CEP83: variants seen among roughly 807,000 people sequenced by gnomAD.
CEP83 encodes centrosomal protein 83, also known as centrosomal protein of 83 kDa.
A neutral mutation model predicts 101.9 loss-of-function variants in CEP83; 70 were observed. That is an observed-to-expected ratio of 0.69 (90% CI 0.57 to 0.84). The LOEUF (loss-of-function observed/expected upper bound fraction) is 0.84. Ranked by LOEUF, CEP83 falls within the 40% of genes least tolerant of loss-of-function variation. The pLI, the probability that CEP83 is intolerant of heterozygous loss-of-function variation, is 0.00. For synonymous variants in CEP83, 264 were observed against 267.9 expected (o/e 0.99, Z 0.14); for missense variants, 715 against 787.2 (o/e 0.91, Z 1.10).
intron 6 of CEP83, among the ~76,000 whole-genome samples, chr12:94,395,650 C>T (rs573316596): frequency 3.9e-5 from 6 of 152,138 alleles, no homozygotes; most frequent in Non-Finnish European, 7.4e-5. Context: ...AGTGAAACCC[C>T]GTCTCTACTA....
At chr12:94,396,280 CTT>C (rs776434390) in intron 6 of CEP83, among the ~76,000 whole-genome samples, 2 of 90,942 alleles carry the variant, frequency 2.2e-5, no homozygotes, top group Admixed American at 1.1e-4. Context: ...AAAAGCATGA[CTT>C]TTTTTTTTTT....
At chr12:94,431,346 G>C (rs1268282402) in intron 2 of CEP83, among the ~76,000 whole-genome samples, 1 of 152,036 alleles carries the variant, frequency 6.6e-6, no homozygotes, top group African/African-American at 2.4e-5. Flanking sequence ...ATTACTAGAA[G>C]AAAACATAGG....
At chr12:94,269,856 C>A in the CEP83 span, among the ~76,000 whole-genome samples, 2 of 152,296 alleles carry the variant, frequency 1.3e-5, no homozygotes, top group Non-Finnish European at 2.9e-5. Context: ...AAGAGTGAAA[C>A]CACTTTTTAC....
chr12:94,303,748 T>TC (rs1565877374), downstream of CEP83: 57 of 1,407,148 alleles, frequency 4.1e-5, no homozygotes, highest in African/African-American at 1.5e-4. Flanking sequence ...TTTTTTTTTT[T>TC]TCCCCAGGAA....
intron 1 of CEP83, among the ~76,000 whole-genome samples, chr12:94,456,897 A>G (rs2067723854): frequency 6.6e-6 from 1 of 152,260 alleles, no homozygotes; most frequent in African/African-American, 2.4e-5. Flanking sequence ...CCTGCCCTTA[A>G]TAAGCTTACA....
intron 11 of CEP83, among the ~76,000 whole-genome samples, chr12:94,349,285 CAAAA>C (rs567484415): frequency 1.1e-4 from 8 of 73,456 alleles, no homozygotes; most frequent in Non-Finnish European, 1.6e-4. Context: ...GACTCTGTCT[CAAAA>C]AAAAAAAAAA....
intron 14 of CEP83, among the ~76,000 whole-genome samples, chr12:94,329,219 A>T (rs1402830067): frequency 6.6e-6 from 1 of 152,124 alleles, no homozygotes; most frequent in African/African-American, 2.4e-5. Flanking sequence ...TCATCCTGTC[A>T]CAATACTAAT....
intron 2 of CEP83, among the ~76,000 whole-genome samples, chr12:94,426,354 C>A (rs1396665164): frequency 6.6e-6 from 1 of 152,070 alleles, no homozygotes; most frequent in Non-Finnish European, 1.5e-5. Flanking sequence ...AAAGACCCTC[C>A]CAAATAGTTC....
At chr12:94,449,679 C>T (rs370469541) in intron 1 of CEP83, among the ~76,000 whole-genome samples, 6 of 146,472 alleles carry the variant, frequency 4.1e-5, no homozygotes, top group African/African-American at 1.0e-4. Flanking sequence ...AGGCGGAAGC[C>T]GGAGAATCGC....
rs978637424 is a variant in CEP83 at position 94,443,207 on chromosome 12, C to A, written c.-154-7880G>T. On this transcript the variant is annotated intron_variant, in intron 1 of 16. Coordinates refer to ENST00000397809, the MANE Select transcript of CEP83 (RefSeq NM_016122.3). ...TAGAGTCAATTAAGTTTACAGACCC[C>A]CAGGACCCCTTTGCTAGAGTCAATT... Among the ~76,000 whole-genome samples the A allele has an allele frequency of 3.9e-5, 6 of 151,958 alleles. No individual in the cohort carries two copies. In the South Asian group the frequency reaches 1.2e-3, roughly 32 times the overall value.
At chr12:94,268,854 C>T in the CEP83 span, among the ~76,000 whole-genome samples, 2 of 152,194 alleles carry the variant, frequency 1.3e-5, no homozygotes, top group Non-Finnish European at 2.9e-5. Flanking sequence ...CTTGTCCTCC[C>T]GAAGTGCTGG....
Position 94,376,748 on chromosome 12 carries a change from T to TATA in CEP83, c.802-732_802-731insTAT, listed in dbSNP as rs60406629. ...ACACACACACATATATATATATATA[T>TATA]TTTTTTTTTGAGACAAGGTCTTGCT... On this transcript the variant is annotated intron_variant, in intron 7 of 16. Transcript: ENST00000397809. Among the ~76,000 whole-genome samples the TATA allele has an allele frequency of 7.1e-5, 5 of 70,342 alleles. No individual in the cohort carries two copies. In the East Asian group the frequency reaches 1.8e-3, roughly 26 times the overall value. The allele number at this position is 70,342 out of a possible 152,430, so 46.1% of individuals were successfully genotyped here. A position where few individuals can be genotyped will look rare whatever the true frequency, so the allele number is the denominator to read the frequency against.
At chr12:94,380,889 T>A (rs1026287046) in intron 6 of CEP83, among the ~76,000 whole-genome samples, 1 of 152,350 alleles carries the variant, frequency 6.6e-6, no homozygotes, top group South Asian at 2.1e-4. Flanking sequence ...ATCTGTGTGA[T>A]AGCTGAAGTG....
At chr12:94,285,809 TAGG>T in the CEP83 span, among the ~76,000 whole-genome samples, 2 of 152,118 alleles carry the variant, frequency 1.3e-5, no homozygotes, top group African/African-American at 4.8e-5. Flanking sequence ...CTTGATGAGT[TAGG>T]AGGGGACACA....
At chr12:94,293,767 C>T in the CEP83 span, among the ~76,000 whole-genome samples, 2 of 152,156 alleles carry the variant, frequency 1.3e-5, no homozygotes, top group African/African-American at 2.4e-5. Flanking sequence ...TACAGGTGTG[C>T]ACCAATGCGC....
chr12:94,456,056 A>G (rs1333885894), intron 1 of CEP83, among the ~76,000 whole-genome samples: 2 of 151,714 alleles, frequency 1.3e-5, no homozygotes, highest in Non-Finnish European at 2.9e-5. Flanking sequence ...TCAAAAAAAA[A>G]AAAAAGAAAA....
At chr12:94,396,627 C>T (rs1427713014) in intron 6 of CEP83, among the ~76,000 whole-genome samples, 3 of 152,046 alleles carry the variant, frequency 2.0e-5, no homozygotes, top group African/African-American at 7.2e-5. Context: ...TGTTCTTTCA[C>T]ATATTATTTC....
At chr12:94,345,618 T>C (rs2136681617) in intron 11 of CEP83, among the ~76,000 whole-genome samples, 1 of 152,206 alleles carries the variant, frequency 6.6e-6, no homozygotes, top group East Asian at 1.9e-4. Context: ...CATCTTTCTG[T>C]CTTGGAACTG....
intron 1 of CEP83, among the ~76,000 whole-genome samples, chr12:94,448,603 A>G (rs185764604): frequency 2.2e-4 from 34 of 152,308 alleles, no homozygotes; most frequent in Admixed American, 3.3e-4. Context: ...TCACAATGGA[A>G]TTAGTCATCC....
Sources: gnomAD v4.1 joint callset for allele counts (sites outside exome capture counted in the v4.1 genomes callset) on GRCh38, gnomAD v4.1.1 for gene constraint, MANE v1.5 for transcripts, NCBI Gene and HGNC (gene_info 2026-07-23, HGNC 2026-07-21) for gene names.